Variants in COCH observed in about 807,000 individuals in gnomAD.
COCH encodes the protein coagulation factor C homolog, cochlin (Limulus polyphemus).
Under a neutral mutation model 54.8 loss-of-function variants are expected in COCH, and 40 were observed. The observed-to-expected ratio is 0.73, with a 90% CI of 0.57 to 0.95. The LOEUF is 0.95. Ranked by LOEUF, COCH falls within the 40% of genes least tolerant of loss-of-function variation. COCH has a pLI of 0.00. For synonymous variants in COCH, 256 were observed against 237.9 expected (o/e 1.08, Z -0.70); for missense variants, 605 against 675.0 (o/e 0.90, Z 1.15).
chr14:30,894,590 T>G (rs1378202495), downstream of COCH: 1 of 153,392 alleles, frequency 6.5e-6, no homozygotes, highest in African/African-American at 2.4e-5. Context: ...CACTGTTTCA[T>G]TTTAATACAC....
At chr14:30,886,925 T>G (rs565042749) in intron 11 of COCH, among the ~76,000 whole-genome samples, 24 of 152,144 alleles carry the variant, frequency 1.6e-4, no homozygotes, top group Non-Finnish European at 3.5e-4. Context: ...TCTCACTTTG[T>G]TGCCCAGGCT....
downstream of COCH, chr14:30,894,874 TAA>T: frequency 1.2e-6 from 1 of 842,160 alleles, no homozygotes; most frequent in Non-Finnish European, 1.6e-6. Context: ...TAAAATATTT[TAA>T]GTTAAATTTT....
In COCH at chr14:30,875,075, G is replaced by C. The variant is rs1895304720; in HGVS notation, c.54G>C (p.Leu18=). 1 of 1,594,418 alleles carries C rather than the reference G, an allele frequency of 6.3e-7. No homozygotes were observed. Among genetic ancestry groups the C allele is most frequent in the Non-Finnish European group, 8.5e-7 (1 of 1,171,374 alleles). The change falls in exon 3 of 12, where the codon CTG becomes CTC. Residue 18 remains leucine (L), a synonymous_variant. Transcript: ENST00000396618. ...ALGLGVCLLL[L]PGPAGSEGAA... is the part of the protein sequence containing the mutation. ...TCGCAGGTGTGTGTCTGCTGCTGCT[G>C]CCGGGGCCCGCGGGCAGCGAGGGAG...
chr14:30,875,110 G>A lies in COCH; in HGVS notation c.82+7G>A, dbSNP rs760344236. Reference sequence around the variant, plus strand: ...GCGGGCAGCGAGGGAGCCGGTGAGTGGGGGAGCTGGGGTGCGTCCAGGCGG... The same window carrying A: ...GCGGGCAGCGAGGGAGCCGGTGAGTAGGGGAGCTGGGGTGCGTCCAGGCGG... On this transcript the variant is annotated splice_region_variant and intron_variant, in intron 3 of 11. Transcript: ENST00000396618. 15 of 1,559,422 alleles carry A rather than the reference G, an allele frequency of 9.6e-6. No individual in the cohort carries two copies. The highest frequency in any genetic ancestry group is 1.8e-4 in the Middle Eastern group (1 of 5,426).
chr14:30,880,411 TG>T, intron 6 of COCH, 40 bp from the exon 7 acceptor site: 1 of 1,611,054 alleles, frequency 6.2e-7, no homozygotes, highest in Non-Finnish European at 8.5e-7. Context: ...GCTATGTAAC[TG>T]TCTTCCTTTT....
chr14:30,889,686 G>A lies in COCH; in HGVS notation c.1548G>A (p.Pro516=), dbSNP rs747088615. The part of the protein sequence containing the change: ...LDDLKDMASK[P]KESHAFFTRE... ...ACCTGAAAGATATGGCTTCTAAACC[G>A]AAGGAGTCTCATGCTTTCTTCACAA... The change falls in exon 12 of 12, where the codon CCG becomes CCA. Residue 516 remains proline, a synonymous_variant. Coordinates refer to ENST00000396618, the MANE Select transcript of COCH (RefSeq NM_004086.3). The A allele has an allele frequency of 1.9e-5, 30 of 1,613,898 alleles. No homozygotes were observed. The highest frequency in any genetic ancestry group is 2.7e-5 in the African/African-American group (2 of 75,034).
intron 6 of COCH, among the ~76,000 whole-genome samples, chr14:30,879,785 A>C (rs1358864299): frequency 6.6e-6 from 1 of 152,186 alleles, no homozygotes; most frequent in Non-Finnish European, 1.5e-5. Context: ...GTGGTACTAC[A>C]GGCACATGCC....
intron 8 of COCH, among the ~76,000 whole-genome samples, chr14:30,882,716 A>G (rs1372858843): frequency 6.6e-6 from 1 of 152,146 alleles, no homozygotes; most frequent in Non-Finnish European, 1.5e-5. Context: ...TCTGACTTAA[A>G]GCCTCTGATA....
chr14:30,875,836 G>A (rs970923349), intron 3 of COCH: 1 of 152,382 alleles, frequency 6.6e-6, no homozygotes, highest in African/African-American at 2.4e-5. Flanking sequence ...AACTAAAGGC[G>A]GTCGGTCTTG....
chr14:30,895,070 AAAAAAAAAAGAAGAAGAAGAAGAG>A (rs1896100071), downstream of COCH: 2 of 217,998 alleles, frequency 9.2e-6, no homozygotes, highest in African/African-American at 4.8e-5. Flanking sequence ...AAAAAAAAAA[AAAAAAAAAAGAAGAAGAAGAAGAG>A]AAAAAAAAAA....
rs756422562 is a variant in COCH, at chr14:30,880,671, G to A, written c.566G>A (p.Gly189Glu). 6.2e-7 allele frequency: 1 copy of A among 1,614,106 alleles called. No individual in the cohort carries two copies. Among genetic ancestry groups the A allele is most frequent in the Non-Finnish European group, 8.5e-7 (1 of 1,179,986 alleles). ...RRFNLQKNFV[G>E]KVALMLGIGT... ...TTTAATTTACAGAAGAATTTTGTTG[G>A]AAAAGTGGCTCTAATGTTGGGAATT... The change falls in exon 8 of 12, where the codon GGA becomes GAA. Residue 189 changes from glycine to glutamate, a missense_variant. Gly to Glu is a moderately conservative substitution (Grantham distance 98, BLOSUM62 -2). Coordinates refer to ENST00000396618, the MANE Select transcript of COCH (RefSeq NM_004086.3).
In COCH at chr14:30,879,003, C is replaced by CT. The variant is rs963088991; in HGVS notation, c.373+66dup. 72 of 1,597,658 alleles carry CT rather than the reference C, an allele frequency of 4.5e-5. No individual in the cohort carries two copies. In the East Asian group the frequency reaches 4.9e-4, roughly 11 times the overall value. ...TCTCCCACCCCCCAAACGTTTTCTG[C>CT]TTTTTTTAGCTCAGCCTCTTTAACC... On this transcript the variant is annotated intron_variant, in intron 5 of 11. Coordinates refer to ENST00000396618, the MANE Select transcript of COCH (RefSeq NM_004086.3).
intron 8 of COCH, among the ~76,000 whole-genome samples, 198 bp downstream of exon 8, chr14:30,880,932 G>A (rs369767452): frequency 6.3e-4 from 96 of 152,222 alleles, no homozygotes; most frequent in African/African-American, 2.3e-3. Context: ...AATCAAATGA[G>A]GCCGGGTGCA....
At chr14:30,894,840 CCAAA>C (rs1402678503), downstream of COCH, 3 of 495,556 alleles carry the variant, frequency 6.1e-6, no homozygotes, top group Admixed American at 4.5e-5. Flanking sequence ...AGAATTTTAT[CCAAA>C]CATTTTGTGC....
downstream of COCH, among the ~76,000 whole-genome samples, chr14:30,891,417 T>G (rs1895979647): frequency 6.6e-6 from 1 of 152,186 alleles, no homozygotes; most frequent in Admixed American, 6.5e-5. Context: ...CTTCTGAGTC[T>G]TACAATTTTA....
chr14:30,886,081 C>T lies in COCH; in HGVS notation c.1246C>T (p.Arg416Cys), dbSNP rs367884240. The change falls in exon 11 of 12, where the codon CGC becomes TGC. Residue 416 changes from arginine to cysteine, a missense_variant. Arg to Cys is a radical substitution (Grantham distance 180). Coordinates refer to ENST00000396618, the MANE Select transcript of COCH (RefSeq NM_004086.3). ...TGCTGTACAGTTTACTTATGATCAG[C>T]GCACGGAGTTCAGTTTCACTGACTA... ...IAAVQFTYDQ[R>C]TEFSFTDYST... 17 of 1,614,086 alleles carry T rather than the reference C, an allele frequency of 1.1e-5. No homozygotes were observed. The South Asian group carries it at 1.4e-4, about 14-fold the overall frequency.
rs1216194781 is a variant in COCH, at chr14:30,879,049, C to G, written c.373+105C>G. 2.0e-6 allele frequency: 3 copies of G among 1,498,276 alleles called. No individual in the cohort carries two copies. In the Admixed American group the frequency reaches 5.0e-5, roughly 25 times the overall value. The allele number at this position is 1,498,276 out of a possible 1,614,324, so 92.8% of individuals were successfully genotyped here. On this transcript the variant is annotated intron_variant, in intron 5 of 11. Transcript: ENST00000396618. ...TAACCTTGATGGAAAAACCTGTGAT[C>G]AAGACTAAAGCTGACCTATAGAGGT...
chr14:30,879,841 AT>A (rs1467588707), intron 6 of COCH, among the ~76,000 whole-genome samples: 1 of 150,216 alleles, frequency 6.7e-6, no homozygotes, highest in Non-Finnish European at 1.5e-5. Context: ...TTTTATTTTT[AT>A]TTTTTTAGAC....
chr14:30,876,326 ATTCT>A (rs1895355443), intron 3 of COCH: 2 of 152,174 alleles, frequency 1.3e-5, no homozygotes, highest in South Asian at 2.1e-4. Flanking sequence ...GTAAAAACTG[ATTCT>A]TTGTTAGGTT....
Sources: gnomAD v4.1 joint callset for allele counts (sites outside exome capture counted in the v4.1 genomes callset) on GRCh38, gnomAD v4.1.1 for gene constraint, MANE v1.5 for transcripts, NCBI Gene and HGNC (gene_info 2026-07-23, HGNC 2026-07-21) for gene names.